The following BRI3BP variants were observed in gnomAD, a reference collection of about 807,000 sequenced individuals.
BRI3BP encodes the protein BRI3-binding protein.
BRI3BP carries 7 observed loss-of-function variants against 15.8 expected under a neutral mutation model. That is an observed-to-expected ratio of 0.44 (90% confidence interval 0.25 to 0.83). The LOEUF is 0.83. Among genes scored for constraint, BRI3BP ranks in the 40% least tolerant of loss-of-function variants. The pLI, the probability that BRI3BP is intolerant of heterozygous loss-of-function variation, is 0.20. For synonymous variants in BRI3BP, 192 were observed against 163.5 expected, an observed-to-expected ratio of 1.17 and a Z score of -1.33; for missense variants, 320 against 339.3, an observed-to-expected ratio of 0.94 and a Z score of 0.45.
At chr12:125,022,545 T>A (rs796527166) in intron 2 of BRI3BP, among the ~76,000 whole-genome samples, 2 of 58,418 alleles carry the variant, frequency 3.4e-5, no homozygotes, top group Non-Finnish European at 6.6e-5. Flanking sequence ...TTATTTATTT[T>A]TTGAGACAGA....
At chr12:125,036,379 A>T in the BRI3BP span, among the ~76,000 whole-genome samples, 1 of 150,460 alleles carries the variant, frequency 6.6e-6, no homozygotes, top group African/African-American at 2.4e-5. Flanking sequence ...TTTTTATTTT[A>T]TTTATTTATT....
chr12:125,031,689 C>T (rs79193093), downstream of BRI3BP, among the ~76,000 whole-genome samples: 4,299 of 144,828 alleles, frequency 0.03, 91 homozygotes, highest in Non-Finnish European at 0.044. Flanking sequence ...CGAGCATGTC[C>T]GGCCAATTTT....
At chr12:125,024,949 G>A (rs1368072099) in intron 2 of BRI3BP, 42 bp from the exon 3 acceptor site, 1 of 1,534,196 alleles carries the variant, frequency 6.5e-7, no homozygotes, top group Non-Finnish European at 8.9e-7. Flanking sequence ...GAAACCCCTG[G>A]CCCCTGCGTA....
rs569082141 is a variant in BRI3BP, at chr12:125,018,618, C to T, written c.316+5982C>T. 8.5e-5 allele frequency among the ~76,000 whole-genome samples: 13 copies of T among 152,070 alleles called. No homozygotes were observed. In the South Asian group the frequency reaches 1.5e-3, roughly 17 times the overall value. Reference sequence around the variant, plus strand: ...GCCTCTGGAGCCAGCCCTGCTGACACGCTGTTCACAGACTTCCAGCCTCCA... The same window carrying T: ...GCCTCTGGAGCCAGCCCTGCTGACATGCTGTTCACAGACTTCCAGCCTCCA... On this transcript the variant is annotated intron_variant, in intron 2 of 2. Transcript: ENST00000341446.
At position 125,007,044 on chromosome 12, in the gene BRI3BP, T is replaced by C. The variant is rs577793242; in HGVS notation, c.214-5490T>C. Among the ~76,000 whole-genome samples the C allele has an allele frequency of 2.6e-5, 4 of 151,702 alleles. 1 individual carries two copies. Among genetic ancestry groups the C allele is most frequent in the African/African-American group, 9.7e-5 (4 of 41,350 alleles). On this transcript the variant is annotated intron_variant, in intron 1 of 2. Coordinates refer to ENST00000341446, the MANE Select transcript of BRI3BP (RefSeq NM_080626.6). ...CAAAACCCTGTCTCTACTAAAAATATAAAAATTAGCCAGGTATGGTGGCAC... is the reference window on the plus strand; with the variant it reads ...CAAAACCCTGTCTCTACTAAAAATACAAAAATTAGCCAGGTATGGTGGCAC...
chr12:125,025,520 T>G lies in BRI3BP; in HGVS notation c.*90T>G. 7.8e-7 allele frequency: 1 copy of G among 1,285,352 alleles called. No homozygotes were observed. Among genetic ancestry groups the G allele is most frequent in the Non-Finnish European group, 1.0e-6 (1 of 959,054 alleles). The allele number at this position is 1,285,352 out of a possible 1,614,324, so 79.6% of individuals were successfully genotyped here. ...AAAAAACCCCAAACCCCAAACAATC[T>G]TAATAAACACGACTGAGCAAGAAAG... On this transcript the variant is annotated 3_prime_UTR_variant, in exon 3 of 3. Coordinates refer to ENST00000341446, the MANE Select transcript of BRI3BP (RefSeq NM_080626.6).
chr12:125,048,403 G>A, the BRI3BP span, among the ~76,000 whole-genome samples: 1 of 152,160 alleles, frequency 6.6e-6, no homozygotes, highest in Non-Finnish European at 1.5e-5. Flanking sequence ...AAAGAGGCAA[G>A]CTGATAGTTA....
chr12:124,996,485 G>A (rs567168188), intron 1 of BRI3BP, among the ~76,000 whole-genome samples: 5 of 151,390 alleles, frequency 3.3e-5, no homozygotes, highest in South Asian at 2.1e-4. Context: ...CACCACATCC[G>A]GCTAATTTTT....
At chr12:125,051,009 T>TA in the BRI3BP span, among the ~76,000 whole-genome samples, 1 of 152,166 alleles carries the variant, frequency 6.6e-6, no homozygotes, top group Non-Finnish European at 1.5e-5. Context: ...ACTTCACACT[T>TA]ACATAAGAGG....
intron 2 of BRI3BP, among the ~76,000 whole-genome samples, chr12:125,023,438 G>A (rs186623869): frequency 1.3e-5 from 2 of 152,194 alleles, no homozygotes; most frequent in African/African-American, 4.8e-5. Context: ...GCTAGGAAAT[G>A]CTTTAATCCT....
the BRI3BP span, among the ~76,000 whole-genome samples, chr12:125,036,380 T>C: frequency 3.5e-3 from 523 of 151,336 alleles, 2 homozygotes; most frequent in Non-Finnish European, 6.2e-3. Flanking sequence ...TTTTATTTTA[T>C]TTATTTATTA....
intron 2 of BRI3BP, among the ~76,000 whole-genome samples, chr12:125,018,854 TTTG>T (rs751916817): frequency 6.6e-6 from 1 of 151,412 alleles, no homozygotes; most frequent in Non-Finnish European, 1.5e-5. Flanking sequence ...TAATTCTGTT[TTTG>T]TTTTTGTTTT....
intron 1 of BRI3BP, among the ~76,000 whole-genome samples, chr12:124,999,495 C>T (rs1180226977): frequency 6.6e-6 from 1 of 152,150 alleles, no homozygotes; most frequent in Non-Finnish European, 1.5e-5. Context: ...TCAATCTTGG[C>T]TCACTGCAGT....
intron 2 of BRI3BP, among the ~76,000 whole-genome samples, chr12:125,021,667 G>A (rs1452365482): frequency 6.6e-6 from 1 of 152,192 alleles, no homozygotes; most frequent in Non-Finnish European, 1.5e-5. Context: ...ATGGCGGAAG[G>A]CAAAGGGGAA....
At position 125,010,785 on chromosome 12, in the gene BRI3BP, T is replaced by C. The variant is rs115700605; in HGVS notation, c.214-1749T>C. Among the ~76,000 whole-genome samples the C allele has an allele frequency of 3.9e-3, 585 of 148,260 alleles. 5 individuals are homozygous for C. The highest frequency in any genetic ancestry group is 0.014 in the African/African-American group (570 of 40,016). ...AGCGAGACTCCAAATAAAATAAAAT[T>C]AAATTAAAACATAAAATACTGTAGC... On this transcript the variant is annotated intron_variant, in intron 1 of 2. Transcript: ENST00000341446.
intron 2 of BRI3BP, among the ~76,000 whole-genome samples, chr12:125,022,911 C>T (rs1594537871): frequency 6.6e-6 from 1 of 152,244 alleles, no homozygotes; most frequent in Non-Finnish European, 1.5e-5. Flanking sequence ...ATGATGTGTA[C>T]ATCTTTCAAA....
intron 1 of BRI3BP, among the ~76,000 whole-genome samples, chr12:124,994,612 C>T (rs141203081): frequency 6.0e-4 from 92 of 152,270 alleles, no homozygotes; most frequent in African/African-American, 2.2e-3. Flanking sequence ...GGGGAGGTCC[C>T]GGATCCTGCA....
At chr12:125,000,555 G>A (rs71458884) in intron 1 of BRI3BP, among the ~76,000 whole-genome samples, 8,993 of 151,502 alleles carry the variant, frequency 0.059, 406 homozygotes, top group Admixed American at 0.14. Flanking sequence ...CCTCATGATT[G>A]CCTGCCTCGG....
At chr12:125,001,272 A>T (rs12425990) in intron 1 of BRI3BP, among the ~76,000 whole-genome samples, 1 of 151,890 alleles carries the variant, frequency 6.6e-6, no homozygotes, top group Non-Finnish European at 1.5e-5. Flanking sequence ...TAGCCAGGAT[A>T]GTCTGGATCT....
Sources: allele counts gnomAD v4.1 joint callset (sites outside exome capture counted in the v4.1 genomes callset), GRCh38; gene constraint gnomAD v4.1.1; transcripts MANE v1.5; gene names NCBI Gene and HGNC (gene_info 2026-07-23, HGNC 2026-07-21).